The following DPF3 variants were observed in gnomAD, a reference collection of about 807,000 sequenced individuals.
DPF3 encodes the protein double PHD fingers 3, also known as zinc finger protein DPF3.
In DPF3, 18 loss-of-function variants were observed where a neutral mutation model predicts 56.8. The ratio of observed to expected loss-of-function variants is 0.32; its 90% CI spans 0.22 to 0.47. DPF3 has a LOEUF of 0.47. Ranked by LOEUF, DPF3 falls within the 20% of genes least tolerant of loss-of-function variation. The probability of loss-of-function intolerance (pLI) is 1.00; values close to 1 mark genes in which losing one functional copy is unlikely to be tolerated. For missense variants in DPF3, 403 were observed against 488.8 expected (o/e 0.82, Z 1.65); for synonymous variants, 188 against 180.2 (o/e 1.04, Z -0.35).
intron 1 of DPF3, among the ~76,000 whole-genome samples, chr14:72,821,337 C>T (rs1432833339): frequency 2.6e-5 from 4 of 152,168 alleles, no homozygotes; most frequent in East Asian, 1.9e-4. Context: ...AATCCCAGCA[C>T]TTAACAAGGT....
At chr14:72,669,440 T>G (rs1886576775) in intron 8 of DPF3, among the ~76,000 whole-genome samples, 1 of 152,056 alleles carries the variant, frequency 6.6e-6, no homozygotes, top group African/African-American at 2.4e-5. Flanking sequence ...CAAGTTGAGT[T>G]TTGTGCCTAA....
At chr14:72,736,936 A>G in intron 3 of DPF3, among the ~76,000 whole-genome samples, 1 of 151,722 alleles carries the variant, frequency 6.6e-6, no homozygotes, top group Non-Finnish European at 1.5e-5. Flanking sequence ...ATGGATCGTT[A>G]CTCTCTCCAG....
chr14:72,715,778 C>A (rs1888895512), intron 5 of DPF3, among the ~76,000 whole-genome samples: 1 of 151,976 alleles, frequency 6.6e-6, no homozygotes, highest in Non-Finnish European at 1.5e-5. Flanking sequence ...CCTCTGCCAC[C>A]TCCTCAGCTT....
intron 8 of DPF3, chr14:72,661,914 T>C (rs1886234045): frequency 1.0e-6 from 1 of 982,166 alleles, no homozygotes; most frequent in South Asian, 4.7e-5. Flanking sequence ...TGTTCGAATC[T>C]ATTGAACTTG....
intron 7 of DPF3, among the ~76,000 whole-genome samples, chr14:72,686,923 G>A (rs1043116740): frequency 6.6e-6 from 1 of 152,152 alleles, no homozygotes; most frequent in African/African-American, 2.4e-5. Context: ...ATCTCTTAAA[G>A]CTTTTGGCCG....
rs756976108 is a variant in DPF3, at chr14:72,648,905, T to C, written c.872-19169A>G. Among the ~76,000 whole-genome samples the C allele has an allele frequency of 5.9e-4, 89 of 152,060 alleles. 1 individual carries two copies. The highest frequency in any genetic ancestry group is 7.2e-4 in the Admixed American group (11 of 15,274). Reference sequence around the variant, plus strand: ...TTGAGCGTCCAATTTCTCTGCTCCTTCTTCTTTTAGCACAACTGGAAAGGG... The same window carrying C: ...TTGAGCGTCCAATTTCTCTGCTCCTCCTTCTTTTAGCACAACTGGAAAGGG... On this transcript the variant is annotated intron_variant, in intron 8 of 10. Coordinates refer to ENST00000556509, the MANE Select transcript of DPF3 (RefSeq NM_001280542.3).
At chr14:72,735,252 T>C (rs748072253) in intron 3 of DPF3, among the ~76,000 whole-genome samples, 53 of 152,222 alleles carry the variant, frequency 3.5e-4, no homozygotes, top group Non-Finnish European at 6.8e-4. Flanking sequence ...TGAGGGCAGG[T>C]TTGTGCCATG....
At chr14:72,760,832 A>G (rs2139920373) in intron 2 of DPF3, among the ~76,000 whole-genome samples, 1 of 152,298 alleles carries the variant, frequency 6.6e-6, no homozygotes, top group Middle Eastern at 3.4e-3. Flanking sequence ...CTGCCTATTA[A>G]AAAACTACTT....
chr14:72,695,035 A>G (rs1185448922), intron 6 of DPF3, among the ~76,000 whole-genome samples: 2 of 152,188 alleles, frequency 1.3e-5, no homozygotes, highest in Non-Finnish European at 2.9e-5. Flanking sequence ...CTAATACTGC[A>G]TCTTGAATCT....
intron 1 of DPF3, chr14:72,806,166 A>G (rs915254053): frequency 1.3e-5 from 2 of 152,180 alleles, no homozygotes; most frequent in African/African-American, 4.8e-5. Flanking sequence ...AGCTCCTCAA[A>G]TACATGATCC....
chr14:72,619,850 C>T (rs1884314138), intron 10 of DPF3, 53 bp downstream of exon 10: 1 of 1,454,784 alleles, frequency 6.9e-7, no homozygotes, highest in Admixed American at 2.1e-5. Flanking sequence ...TCAGTAAGTG[C>T]TAGTAGTAGT....
intron 1 of DPF3, among the ~76,000 whole-genome samples, chr14:72,818,307 A>G (rs1406052319): frequency 6.6e-6 from 1 of 152,118 alleles, no homozygotes; most frequent in Non-Finnish European, 1.5e-5. Context: ...GTAGGCAAAG[A>G]TTCTTAGGAC....
intron 1 of DPF3, among the ~76,000 whole-genome samples, chr14:72,774,289 A>G (rs917995109): frequency 2.1e-5 from 3 of 142,832 alleles, no homozygotes; most frequent in Non-Finnish European, 4.6e-5. Context: ...AAAAAAAAAA[A>G]CCTGCTTTCA....
intron 1 of DPF3, among the ~76,000 whole-genome samples, chr14:72,872,910 C>A (rs1242028114): frequency 6.6e-6 from 1 of 152,196 alleles, no homozygotes; most frequent in Non-Finnish European, 1.5e-5. Flanking sequence ...ACACCTTATA[C>A]TAAAATTAAT....
chr14:72,737,125 G>A (rs577432901), intron 3 of DPF3, among the ~76,000 whole-genome samples: 3 of 150,022 alleles, frequency 2.0e-5, no homozygotes, highest in South Asian at 2.1e-4. Context: ...AAAAACCTCC[G>A]AGACAAACAA....
intron 4 of DPF3, among the ~76,000 whole-genome samples, chr14:72,724,391 A>G (rs1423632711): frequency 6.6e-6 from 1 of 152,150 alleles, no homozygotes; most frequent in East Asian, 1.9e-4. Context: ...GCTGAGGCTG[A>G]AAACAGTTTT....
intron 6 of DPF3, among the ~76,000 whole-genome samples, chr14:72,693,475 G>C (rs1887786627): frequency 6.6e-6 from 1 of 152,174 alleles, no homozygotes; most frequent in African/African-American, 2.4e-5. Flanking sequence ...CTAGCTGTGA[G>C]ACCCAGGGCA....
intron 8 of DPF3, among the ~76,000 whole-genome samples, chr14:72,673,232 C>G (rs1310477025): frequency 6.6e-6 from 1 of 152,184 alleles, no homozygotes; most frequent in Non-Finnish European, 1.5e-5. Context: ...TACAGTCAAC[C>G]ATGATGGGGT....
At chr14:72,761,645 T>C (rs557151975) in intron 2 of DPF3, among the ~76,000 whole-genome samples, 18 of 151,496 alleles carry the variant, frequency 1.2e-4, no homozygotes, top group Non-Finnish European at 2.4e-4. Context: ...CCTTAAGAAA[T>C]AGATAAACCT....
Sources: gnomAD v4.1 joint callset for allele counts (sites outside exome capture counted in the v4.1 genomes callset) on GRCh38, gnomAD v4.1.1 for gene constraint, MANE v1.5 for transcripts, NCBI Gene and HGNC (gene_info 2026-07-23, HGNC 2026-07-21) for gene names.